The following MSH4 variants were observed in gnomAD, a reference collection of about 807,000 sequenced individuals.
MSH4 encodes mutS protein homolog 4.
A neutral mutation model predicts 113.7 loss-of-function variants in MSH4; 106 were observed. The observed-to-expected ratio is 0.93, with a 90% CI of 0.80 to 1.10. MSH4 has a LOEUF of 1.10. Among genes scored for constraint, MSH4 ranks in the 50% least tolerant of loss-of-function variants. MSH4 has a pLI of 0.00. For missense variants in MSH4, 1,061 were observed against 1,093.7 expected, an observed-to-expected ratio of 0.97 and a Z score of 0.42; for synonymous variants, 368 against 380.2, an observed-to-expected ratio of 0.97 and a Z score of 0.37.
At chr1:75,886,842 TA>T (rs1490350595) in intron 15 of MSH4, among the ~76,000 whole-genome samples, 18 of 776 alleles carry the variant, frequency 0.023, no homozygotes, top group Middle Eastern at 0.5. Context: ...ATATATATTA[TA>T]TATATATATA....
At chr1:75,881,595 T>C (rs2100572860) in intron 14 of MSH4, among the ~76,000 whole-genome samples, 1 of 152,026 alleles carries the variant, frequency 6.6e-6, no homozygotes, top group South Asian at 2.1e-4. Context: ...AAGAAAAAAT[T>C]GCAAGAAACT....
chr1:75,897,029 A>G (rs1184260274), intron 17 of MSH4, among the ~76,000 whole-genome samples: 1 of 152,130 alleles, frequency 6.6e-6, no homozygotes, highest in Non-Finnish European at 1.5e-5. Context: ...CATTTTGCCA[A>G]TCAATTATTT....
intron 7 of MSH4, among the ~76,000 whole-genome samples, chr1:75,830,526 A>C (rs1193157055): frequency 1.3e-5 from 2 of 152,220 alleles, no homozygotes; most frequent in Non-Finnish European, 2.9e-5. Flanking sequence ...AAAAATGTTA[A>C]GGGCAACCAG....
intron 4 of MSH4, among the ~76,000 whole-genome samples, chr1:75,811,639 A>G (rs1570942601): frequency 2.0e-5 from 3 of 152,332 alleles, no homozygotes; most frequent in Admixed American, 2.0e-4. Flanking sequence ...GTAGGACTGT[A>G]GTGGGTAAGC....
At position 75,796,929 on chromosome 1, in the gene MSH4, T is replaced by A; in HGVS notation, c.-57T>A. The A allele has an allele frequency of 6.2e-7, 1 of 1,604,080 alleles. No homozygotes were observed. Among genetic ancestry groups the A allele is most frequent in the African/African-American group, 1.3e-5 (1 of 74,770 alleles). On this transcript the variant is annotated 5_prime_UTR_variant, in exon 1 of 20. Transcript: ENST00000263187. ...AGCGGCGCAGCTTCTGTAGTTGGGC[T>A]ACTGGAGGGGTCGCTCAGAAACCTC...
Position 75,815,513 on chromosome 1 carries a change from G to A in MSH4, c.815+377G>A, listed in dbSNP as rs569317514. Among the ~76,000 whole-genome samples, 4 of 152,232 alleles carry A rather than the reference G, an allele frequency of 2.6e-5. No homozygotes were observed. The South Asian group carries it at 8.3e-4, about 32-fold the overall frequency. On this transcript the variant is annotated intron_variant, in intron 5 of 19. Coordinates refer to ENST00000263187, the MANE Select transcript of MSH4 (RefSeq NM_002440.4). Reference sequence around the variant, plus strand: ...TGTGAGGGCATAGGAGTAAAACACAGGTAAAGCTGTGTTCCTGTTTCTTTC... The same window carrying A: ...TGTGAGGGCATAGGAGTAAAACACAAGTAAAGCTGTGTTCCTGTTTCTTTC...
chr1:75,852,404 G>A (rs1651208677), intron 8 of MSH4, among the ~76,000 whole-genome samples: 1 of 152,162 alleles, frequency 6.6e-6, no homozygotes, highest in South Asian at 2.1e-4. Flanking sequence ...CCTAGGAATG[G>A]AATTGCTGGG....
intron 19 of MSH4, among the ~76,000 whole-genome samples, chr1:75,905,629 A>G (rs1652608165): frequency 1.3e-5 from 2 of 152,120 alleles, no homozygotes; most frequent in South Asian, 4.1e-4. Flanking sequence ...TGATCTGGCC[A>G]TTACTGAGAA....
intron 8 of MSH4, among the ~76,000 whole-genome samples, chr1:75,866,294 G>A (rs12049212): frequency 0.26 from 39,500 of 151,708 alleles, 6,533 homozygotes; most frequent in East Asian, 0.68. Context: ...CTATGTAGCT[G>A]GACCACAGAC....
intron 15 of MSH4, among the ~76,000 whole-genome samples, chr1:75,885,029 A>G (rs77302836): frequency 0.1 from 12,765 of 121,752 alleles, 868 homozygotes; most frequent in East Asian, 0.2. Context: ...ATATATATAT[A>G]TGTGTGTGTG....
chr1:75,874,054 T>C lies in MSH4; in HGVS notation c.1306-2882T>C, dbSNP rs138396416. Among the ~76,000 whole-genome samples, 700 of 152,262 alleles carry C rather than the reference T, an allele frequency of 4.6e-3. 3 individuals are homozygous for C. The highest frequency in any genetic ancestry group is 0.016 in the African/African-American group (667 of 41,556). On this transcript the variant is annotated intron_variant, in intron 9 of 19. Coordinates refer to ENST00000263187, the MANE Select transcript of MSH4 (RefSeq NM_002440.4). ...TTCATACACCAACAGTGTATAAATG[T>C]TCTTCTTTCTCTACAAGCTCACCAG...
Position 75,888,949 on chromosome 1 carries a change from C to T in MSH4, c.2108-302C>T, listed in dbSNP as rs1305515999. ...TCATTCTGTCGCCCAGGCTGGAATG[C>T]AGTGGCGCGATCTCGGCTCACTGCA... On this transcript the variant is annotated intron_variant, in intron 15 of 19. Transcript: ENST00000263187. 1.4e-4 allele frequency among the ~76,000 whole-genome samples: 20 copies of T among 145,628 alleles called. No homozygotes were observed. In the East Asian group the frequency reaches 3.9e-3, roughly 28 times the overall value.
intron 4 of MSH4, 53 bp from the exon 5 acceptor site, chr1:75,814,968 G>T: frequency 9.9e-7 from 1 of 1,012,210 alleles, no homozygotes; most frequent in South Asian, 1.4e-5. Context: ...AAGCAGTTTT[G>T]GGCAAGCGCA....
At chr1:75,904,746 A>ATT (rs57715590) in intron 19 of MSH4, among the ~76,000 whole-genome samples, 31 of 151,710 alleles carry the variant, frequency 2.0e-4, no homozygotes, top group Non-Finnish European at 3.4e-4. Flanking sequence ...TTGAAGGGAG[A>ATT]TTTTTTATTA....
At chr1:75,885,318 G>GGTGTGTGTGT (rs58647865) in intron 15 of MSH4, among the ~76,000 whole-genome samples, 6 of 105,338 alleles carry the variant, frequency 5.7e-5, no homozygotes, top group African/African-American at 2.3e-4. Context: ...TCACACTGGG[G>GGTGTGTGTGT]GTGTGTGTGT....
intron 1 of MSH4, among the ~76,000 whole-genome samples, chr1:75,800,478 G>A (rs1380434564): frequency 6.6e-6 from 1 of 152,152 alleles, no homozygotes; most frequent in Non-Finnish European, 1.5e-5. Context: ...TTAGAGAGGT[G>A]TAATACTGGA....
intron 17 of MSH4, among the ~76,000 whole-genome samples, chr1:75,892,221 TC>T (rs1652271102): frequency 6.6e-6 from 1 of 152,182 alleles, no homozygotes; most frequent in Non-Finnish European, 1.5e-5. Context: ...ATTGGCTTTT[TC>T]TGGGTCTGGA....
chr1:75,903,649 T>G (rs1298565909), intron 19 of MSH4, among the ~76,000 whole-genome samples: 1 of 152,090 alleles, frequency 6.6e-6, no homozygotes, highest in African/African-American at 2.4e-5. Context: ...ATTCTTCCAA[T>G]CAATGAACAC....
chr1:75,800,235 T>C (rs928263662), intron 1 of MSH4, among the ~76,000 whole-genome samples: 5 of 152,192 alleles, frequency 3.3e-5, no homozygotes, highest in Admixed American at 3.3e-4. Context: ...TTATGCTGGT[T>C]CTACACACGT....
Sources: gnomAD v4.1 joint callset for allele counts (sites outside exome capture counted in the v4.1 genomes callset) on GRCh38, gnomAD v4.1.1 for gene constraint, MANE v1.5 for transcripts, NCBI Gene and HGNC (gene_info 2026-07-23, HGNC 2026-07-21) for gene names.